The following PPP1R7 variants were observed in gnomAD, a reference collection of about 807,000 sequenced individuals.
The protein encoded by PPP1R7 is protein phosphatase 1 regulatory subunit 7.
Under a neutral mutation model 45.2 loss-of-function variants are expected in PPP1R7, and 18 were observed. That is an observed-to-expected ratio of 0.40 (90% CI 0.28 to 0.59). The LOEUF (loss-of-function observed/expected upper bound fraction) is 0.59. PPP1R7 is among the 20% of genes least tolerant of loss of function. The probability of loss-of-function intolerance (pLI) is 0.46; values close to 1 mark genes in which losing one functional copy is unlikely to be tolerated. For synonymous variants in PPP1R7, 181 were observed against 183.4 expected (o/e 0.99, Z 0.11); for missense variants, 314 against 455.8 (o/e 0.69, Z 2.83).
chr2:241,163,163 C>G, intron 6 of PPP1R7, 122 bp from the exon 7 acceptor site: 1 of 666,748 alleles, frequency 1.5e-6, no homozygotes, highest in Non-Finnish European at 2.7e-6. Flanking sequence ...TTAGCAGATA[C>G]GTCACTAGCC....
At chr2:241,167,081 TCA>T (rs1446773531) in intron 8 of PPP1R7, 2 of 1,611,402 alleles carry the variant, frequency 1.2e-6, no homozygotes, top group Non-Finnish European at 1.7e-6. Context: ...GGAAGTGTGC[TCA>T]CAGAGCCCCC....
chr2:241,182,520 G>A (rs574815419), intron 9 of PPP1R7, 127 bp from the exon 10 acceptor site: 12 of 1,163,760 alleles, frequency 1.0e-5, no homozygotes, highest in African/African-American at 1.5e-5. Context: ...CCCATGAGGT[G>A]CCAGGGAAGA....
chr2:241,151,708 A>T lies in PPP1R7; in HGVS notation c.52+1161A>T, dbSNP rs539750054. Reference sequence around the variant, plus strand: ...GTTTCCATGTCTTGGTAAATGACAGATATAAAAGCCCGGCTTTTCTCACTG... The same window carrying T: ...GTTTCCATGTCTTGGTAAATGACAGTTATAAAAGCCCGGCTTTTCTCACTG... On this transcript the variant is annotated intron_variant, in intron 1 of 9. Transcript: ENST00000234038. 2.0e-5 allele frequency among the ~76,000 whole-genome samples: 3 copies of T among 152,212 alleles called. No individual in the cohort carries two copies. In the East Asian group the frequency reaches 5.8e-4, roughly 29 times the overall value.
At chr2:241,153,665 G>C (rs141684169) in intron 2 of PPP1R7, 61 bp downstream of exon 2, 1 of 1,588,404 alleles carries the variant, frequency 6.3e-7, no homozygotes, top group South Asian at 1.1e-5. Flanking sequence ...TGTGCTGCAC[G>C]TGGTCTGGCC....
intron 9 of PPP1R7, among the ~76,000 whole-genome samples, chr2:241,170,855 G>T (rs751979823): frequency 5.9e-5 from 9 of 152,152 alleles, no homozygotes; most frequent in Non-Finnish European, 1.2e-4. Context: ...CCAGAATTTG[G>T]CAGGTGATAA....
At chr2:241,161,056 T>A (rs1056031468) in intron 6 of PPP1R7, among the ~76,000 whole-genome samples, 2 of 138,658 alleles carry the variant, frequency 1.4e-5, no homozygotes, top group Non-Finnish European at 3.1e-5. Flanking sequence ...CATGGTCATC[T>A]TCTCTGGCAT....
intron 9 of PPP1R7, among the ~76,000 whole-genome samples, chr2:241,173,244 C>G (rs533886560): frequency 1.6e-5 from 2 of 128,680 alleles, no homozygotes; most frequent in East Asian, 2.8e-4. Flanking sequence ...TGTAGTCCAA[C>G]TTGGGCAACA....
chr2:241,171,039 C>CA (rs369867579), intron 9 of PPP1R7, among the ~76,000 whole-genome samples: 157 of 152,266 alleles, frequency 1.0e-3, no homozygotes, highest in African/African-American at 3.4e-3. Flanking sequence ...AGTCCAGAGA[C>CA]AGAGGACCAG....
intron 8 of PPP1R7, among the ~76,000 whole-genome samples, chr2:241,169,547 G>T (rs1022531843): frequency 6.6e-6 from 1 of 152,100 alleles, no homozygotes; most frequent in African/African-American, 2.4e-5. Flanking sequence ...AAATTCCAGC[G>T]ATCAGGAGAG....
At chr2:241,167,172 C>G in intron 8 of PPP1R7, 2 of 1,160,016 alleles carry the variant, frequency 1.7e-6, no homozygotes, top group Middle Eastern at 2.0e-4. Context: ...TTTTCTCATT[C>G]AATTTTACTT....
chr2:241,174,917 C>T (rs776870476), intron 9 of PPP1R7, among the ~76,000 whole-genome samples: 5 of 152,206 alleles, frequency 3.3e-5, no homozygotes, highest in Non-Finnish European at 7.4e-5. Context: ...CCTCATGATC[C>T]GCCCGCCTTG....
intron 2 of PPP1R7, among the ~76,000 whole-genome samples, chr2:241,156,585 GA>G (rs2067462317): frequency 6.6e-6 from 1 of 152,078 alleles, no homozygotes; most frequent in South Asian, 2.1e-4. Context: ...CTAAGACAAG[GA>G]TTGCTTGAGC....
Position 241,160,529 on chromosome 2 carries a change from G to A in PPP1R7, c.597+35G>A. 3 of 1,531,810 alleles carry A rather than the reference G, an allele frequency of 2.0e-6. No homozygotes were observed. In the South Asian group the frequency reaches 3.8e-5, roughly 20 times the overall value. 94.9% of individuals were successfully genotyped at this position (1,531,810 alleles called of 1,614,324 possible). Reference sequence around the variant, plus strand: ...GACAGCCCTGACTAGTATATTCAGGGAGAGGCAGCTAGCGGGCTGTGTGTG... The same window carrying A: ...GACAGCCCTGACTAGTATATTCAGGAAGAGGCAGCTAGCGGGCTGTGTGTG... On this transcript the variant is annotated intron_variant, in intron 6 of 9. Transcript: ENST00000234038.
rs144669419 is a variant in PPP1R7, at chr2:241,160,486, C to T, written c.589C>T (p.Arg197Cys). 6.9e-6 allele frequency: 11 copies of T among 1,603,654 alleles called. No individual in the cohort carries two copies. Among genetic ancestry groups the T allele is most frequent in the Non-Finnish European group, 9.4e-6 (11 of 1,176,256 alleles). ...QLQMLELGSN[R>C]IRAIENIDTL... is the part of the protein sequence containing the mutation. Reference sequence around the variant, plus strand: ...ACAGATGCTAGAGCTGGGATCTAACCGCATCCGGGTAGGTGCAGACAGCCC... The same window carrying T: ...ACAGATGCTAGAGCTGGGATCTAACTGCATCCGGGTAGGTGCAGACAGCCC... Residue 197 changes from arginine (R) to cysteine (C), a missense_variant, in exon 6 of 10, where the codon CGC becomes TGC. Arg to Cys is a radical substitution (Grantham distance 180, BLOSUM62 -3). Coordinates refer to ENST00000234038, the MANE Select transcript of PPP1R7 (RefSeq NM_002712.3).
intron 7 of PPP1R7, among the ~76,000 whole-genome samples, chr2:241,163,801 G>T (rs1396306588): frequency 1.3e-5 from 2 of 152,094 alleles, no homozygotes; most frequent in African/African-American, 2.4e-5. Context: ...GAATGGAAGA[G>T]ATGAGGTCTC....
chr2:241,160,182 G>A, intron 5 of PPP1R7, 150 bp from the exon 6 acceptor site: 1 of 632,224 alleles, frequency 1.6e-6, no homozygotes. Context: ...CCAGGCGGCA[G>A]CAGGGGCACA....
At chr2:241,150,595 G>C (rs775320126) in intron 1 of PPP1R7, 48 bp downstream of exon 1, 1 of 1,558,984 alleles carries the variant, frequency 6.4e-7, no homozygotes, top group Non-Finnish European at 8.6e-7. Flanking sequence ...CGGGCGGGGG[G>C]AGCTGCGGGC....
intron 5 of PPP1R7, 76 bp from the exon 6 acceptor site, chr2:241,160,256 T>G: frequency 7.3e-6 from 9 of 1,231,580 alleles, no homozygotes; most frequent in Non-Finnish European, 1.0e-5. Flanking sequence ...GACGCCACCT[T>G]TAGTGGTTAA....
In PPP1R7 at chr2:241,150,566, C is replaced by CG. The variant is rs2067242515; in HGVS notation, c.52+21dup. 1 of 1,583,848 alleles carries CG rather than the reference C, an allele frequency of 6.3e-7. No homozygotes were observed. The highest frequency in any genetic ancestry group is 8.6e-7 in the Non-Finnish European group (1 of 1,167,816). Reference sequence around the variant, plus strand: ...ATGGAGGGTGAGCGGCCCCTGCGGGCGGCGGCCCAAGGGCCCAGCGGGCGG... The same window carrying CG: ...ATGGAGGGTGAGCGGCCCCTGCGGGCGGGCGGCCCAAGGGCCCAGCGGGCGG... On this transcript the variant is annotated intron_variant, in intron 1 of 9. Transcript: ENST00000234038.
Sources: allele counts gnomAD v4.1 joint callset (sites outside exome capture counted in the v4.1 genomes callset), GRCh38; gene constraint gnomAD v4.1.1; transcripts MANE v1.5; gene names NCBI Gene and HGNC (gene_info 2026-07-23, HGNC 2026-07-21).